The following GRM8 variants were observed in gnomAD, a reference collection of about 807,000 sequenced individuals.
GRM8 encodes glutamate metabotropic receptor 8, also known as metabotropic glutamate receptor 8.
Under a neutral mutation model 87.2 loss-of-function variants are expected in GRM8, and 47 were observed. The ratio of observed to expected loss-of-function variants is 0.54; its 90% confidence interval spans 0.43 to 0.69. The LOEUF is 0.69. Ranked by LOEUF, GRM8 falls within the 30% of genes least tolerant of loss-of-function variation. The pLI, the probability that GRM8 is intolerant of heterozygous loss-of-function variation, is 0.00. For missense variants in GRM8, 1,019 were observed against 1,139.2 expected, an observed-to-expected ratio of 0.89 and a Z score of 1.52; for synonymous variants, 396 against 404.5, an observed-to-expected ratio of 0.98 and a Z score of 0.25.
intron 8 of GRM8, among the ~76,000 whole-genome samples, chr7:126,591,776 G>T (rs1052002063): frequency 2.7e-5 from 4 of 150,914 alleles, no homozygotes; most frequent in Non-Finnish European, 5.9e-5. Context: ...AAAAAAAAAA[G>T]ATCATCACAG....
intron 7 of GRM8, among the ~76,000 whole-genome samples, chr7:126,746,202 A>C (rs1328459177): frequency 1.3e-5 from 2 of 151,810 alleles, no homozygotes; most frequent in Non-Finnish European, 3.0e-5. Context: ...TTAGACAAAA[A>C]TTATACAAAT....
intron 3 of GRM8, among the ~76,000 whole-genome samples, chr7:127,063,608 A>C (rs980163428): frequency 6.6e-6 from 1 of 151,942 alleles, no homozygotes; most frequent in Non-Finnish European, 1.5e-5. Flanking sequence ...TAAATAAATA[A>C]ACTCATGGTT....
chr7:126,702,857 A>G (rs1390461265), intron 7 of GRM8, among the ~76,000 whole-genome samples: 1 of 152,204 alleles, frequency 6.6e-6, no homozygotes, highest in African/African-American at 2.4e-5. Flanking sequence ...ACAGAATGCT[A>G]AGTGATAAAG....
intron 6 of GRM8, among the ~76,000 whole-genome samples, chr7:126,858,791 A>G (rs147088667): frequency 2.0e-5 from 3 of 152,290 alleles, no homozygotes; most frequent in African/African-American, 4.8e-5. Flanking sequence ...TCATTGGAAC[A>G]CTTACATTTT....
chr7:127,240,149 C>T (rs1428236605), intron 2 of GRM8, among the ~76,000 whole-genome samples: 1 of 152,108 alleles, frequency 6.6e-6, no homozygotes, highest in African/African-American at 2.4e-5. Context: ...ACCCTCTCAC[C>T]CAGTCAGATG....
intron 3 of GRM8, among the ~76,000 whole-genome samples, chr7:126,974,647 T>C (rs1586643850): frequency 6.6e-6 from 1 of 152,122 alleles, no homozygotes; most frequent in Non-Finnish European, 1.5e-5. Context: ...AACCACTAAC[T>C]TGGCTGGCCA....
chr7:126,609,424 T>C lies in GRM8; in HGVS notation c.1432A>G (p.Ile478Val). The C allele has an allele frequency of 6.2e-7, 1 of 1,613,312 alleles. No homozygotes were observed. Among genetic ancestry groups the C allele is most frequent in the Non-Finnish European group, 8.5e-7 (1 of 1,179,220 alleles). The change falls in exon 8 of 11, where the codon ATA (isoleucine) becomes GTA (valine). Residue 478 changes from isoleucine (I) to valine (V), a missense_variant. Transcript: ENST00000339582. ...TTGTACTCTGTGCTTTTGTTGGTTA[T>C]TTGATACTGGAAGATATCATAACGT... is the stretch of plus-strand genomic sequence containing the variant. Reference protein sequence around the residue: ...PGRYDIFQYQITNKSTEYKVI... With the variant: ...PGRYDIFQYQVTNKSTEYKVI...
chr7:127,123,169 T>C (rs1473401798), intron 2 of GRM8, among the ~76,000 whole-genome samples: 1 of 152,118 alleles, frequency 6.6e-6, no homozygotes, highest in Non-Finnish European at 1.5e-5. Flanking sequence ...ATTTCATCCA[T>C]ATAATAGTCG....
chr7:126,479,369 A>G (rs778508478), intron 9 of GRM8, among the ~76,000 whole-genome samples: 1 of 152,100 alleles, frequency 6.6e-6, no homozygotes, highest in African/African-American at 2.4e-5. Flanking sequence ...ACCCATTAGC[A>G]ATACTCTCCA....
At chr7:127,033,807 T>C (rs1160049358) in intron 3 of GRM8, among the ~76,000 whole-genome samples, 2 of 152,158 alleles carry the variant, frequency 1.3e-5, no homozygotes, top group Non-Finnish European at 2.9e-5. Context: ...TCTGGACACA[T>C]AAAAAGAATA....
chr7:126,852,228 T>C (rs1797277992), intron 6 of GRM8, among the ~76,000 whole-genome samples: 1 of 152,174 alleles, frequency 6.6e-6, no homozygotes, highest in South Asian at 2.1e-4. Context: ...TATGTGCCTG[T>C]TTCTGTGTAT....
intron 3 of GRM8, among the ~76,000 whole-genome samples, chr7:127,003,416 G>T (rs1363170258): frequency 6.6e-6 from 1 of 151,760 alleles, no homozygotes; most frequent in Non-Finnish European, 1.5e-5. Context: ...CTGAGAAAAA[G>T]TGTGAATTTT....
At chr7:126,735,959 T>C (rs1343918409) in intron 7 of GRM8, among the ~76,000 whole-genome samples, 2 of 152,068 alleles carry the variant, frequency 1.3e-5, no homozygotes, top group African/African-American at 2.4e-5. Context: ...TAACTTCAAT[T>C]CAAGAACCAG....
At chr7:127,224,385 G>A (rs1035988880) in intron 2 of GRM8, among the ~76,000 whole-genome samples, 1 of 152,160 alleles carries the variant, frequency 6.6e-6, no homozygotes, top group Non-Finnish European at 1.5e-5. Context: ...GAGGCCAGTA[G>A]GAAGCAGTGC....
chr7:127,173,083 G>A (rs1390559110), intron 2 of GRM8, among the ~76,000 whole-genome samples: 2 of 152,186 alleles, frequency 1.3e-5, no homozygotes, highest in South Asian at 2.1e-4. Flanking sequence ...ACCATACCAA[G>A]CACTGGTCTA....
At chr7:127,218,893 G>T (rs1435327688) in intron 2 of GRM8, among the ~76,000 whole-genome samples, 1 of 152,120 alleles carries the variant, frequency 6.6e-6, no homozygotes, top group Non-Finnish European at 1.5e-5. Context: ...GCCTCCTAAT[G>T]GTTCTGTCTG....
intron 3 of GRM8, among the ~76,000 whole-genome samples, chr7:127,058,741 T>C (rs896908037): frequency 6.6e-6 from 1 of 152,182 alleles, no homozygotes; most frequent in Non-Finnish European, 1.5e-5. Context: ...AGAGGGCCTT[T>C]TGCCATCACA....
intron 3 of GRM8, among the ~76,000 whole-genome samples, chr7:126,913,454 G>T (rs1803528045): frequency 6.6e-6 from 1 of 152,136 alleles, no homozygotes; most frequent in African/African-American, 2.4e-5. Context: ...TAAGAAATTT[G>T]CCTAGAATTA....
intron 3 of GRM8, among the ~76,000 whole-genome samples, chr7:126,957,890 G>A (rs542749737): frequency 3.3e-5 from 5 of 152,326 alleles, no homozygotes; most frequent in African/African-American, 7.2e-5. Flanking sequence ...GGTGGAGTCC[G>A]CAGCCAGAAG....
Sources: gnomAD v4.1 joint callset for allele counts (sites outside exome capture counted in the v4.1 genomes callset) on GRCh38, gnomAD v4.1.1 for gene constraint, MANE v1.5 for transcripts, NCBI Gene and HGNC (gene_info 2026-07-23, HGNC 2026-07-21) for gene names.